PALM2AKAP2: variants seen among roughly 807,000 people sequenced by gnomAD.
The protein encoded by PALM2AKAP2 is PALM2-AKAP2 fusion protein.
In PALM2AKAP2, 37 loss-of-function variants were observed where a neutral mutation model predicts 71.5. The observed-to-expected ratio is 0.52, with a 90% CI of 0.40 to 0.68. The LOEUF is 0.68. Ranked by LOEUF, PALM2AKAP2 falls within the 30% of genes least tolerant of loss-of-function variation. PALM2AKAP2 has a pLI of 0.00. For synonymous variants in PALM2AKAP2, 468 were observed against 478.8 expected (o/e 0.98, Z 0.29); for missense variants, 1,224 against 1,191.8 (o/e 1.03, Z -0.40).
chr9:109,643,846 T>C (rs192005792), intron 1 of PALM2AKAP2, among the ~76,000 whole-genome samples: 7 of 152,314 alleles, frequency 4.6e-5, no homozygotes, highest in Non-Finnish European at 8.8e-5. Context: ...AAAAGAGCTT[T>C]AATTGGCTGA....
At position 110,128,112 on chromosome 9, in the gene PALM2AKAP2, C is replaced by T. The variant is rs574202493; in HGVS notation, c.157-8015C>T. 2.0e-5 allele frequency: 3 copies of T among 152,342 alleles called. No homozygotes were observed. In the East Asian group the frequency reaches 5.8e-4, roughly 29 times the overall value. 9.4% of individuals were successfully genotyped at this position (152,342 alleles called of 1,614,324 possible). The stretch of plus-strand genomic sequence containing the variant: ...CCAGACCTCCTGACTGCAGCTTTGC[C>T]TGGTTTGTCCAAAGCTGATGAGGTT... On this transcript the variant is annotated intron_variant, in intron 1 of 3. Transcript: ENST00000374525.
At chr9:109,893,825 G>A (rs1830140246) in intron 3 of PALM2AKAP2, among the ~76,000 whole-genome samples, 1 of 152,110 alleles carries the variant, frequency 6.6e-6, no homozygotes, top group Non-Finnish European at 1.5e-5. Context: ...CAAACACTGG[G>A]GCCAGTCGAG....
chr9:109,648,988 G>C (rs762118678), intron 1 of PALM2AKAP2, among the ~76,000 whole-genome samples: 1 of 152,020 alleles, frequency 6.6e-6, no homozygotes, highest in Admixed American at 6.6e-5. Context: ...CTTGCTCTGG[G>C]AAGGTCTGAG....
chr9:109,901,978 C>CT (rs1339059893), intron 3 of PALM2AKAP2, among the ~76,000 whole-genome samples: 2 of 152,140 alleles, frequency 1.3e-5, no homozygotes, highest in Admixed American at 6.5e-5. Context: ...TTTTCTTTTT[C>CT]TTTTTTTAAA....
chr9:109,779,913 C>T (rs79381128), upstream of PALM2AKAP2, among the ~76,000 whole-genome samples: 3,733 of 152,206 alleles, frequency 0.025, 164 homozygotes, highest in African/African-American at 0.085. Context: ...GGCATCTGCC[C>T]GGTGGAGGCG....
At chr9:110,141,159 C>G (rs139683937) in intron 2 of PALM2AKAP2, among the ~76,000 whole-genome samples, 5 of 152,294 alleles carry the variant, frequency 3.3e-5, no homozygotes, top group African/African-American at 9.6e-5. Flanking sequence ...GGCTTCCCCA[C>G]CAGGACCGAG....
chr9:109,980,856 A>G (rs974611675), intron 6 of PALM2AKAP2, among the ~76,000 whole-genome samples: 1 of 152,238 alleles, frequency 6.6e-6, no homozygotes, highest in Non-Finnish European at 1.5e-5. Context: ...GCCAAACATT[A>G]TTTTGTTTAA....
At chr9:109,792,891 C>T (rs1359755806) in intron 1 of PALM2AKAP2, among the ~76,000 whole-genome samples, 1 of 152,152 alleles carries the variant, frequency 6.6e-6, no homozygotes, top group Non-Finnish European at 1.5e-5. Flanking sequence ...ATCTGAAATT[C>T]ACATTTAACA....
At chr9:109,661,245 A>G (rs1013788722) in intron 1 of PALM2AKAP2, among the ~76,000 whole-genome samples, 41 of 152,134 alleles carry the variant, frequency 2.7e-4, no homozygotes, top group African/African-American at 9.4e-4. Context: ...GCCCATGCCT[A>G]TGTCCTGAAT....
chr9:109,855,104 C>T (rs186631568), intron 1 of PALM2AKAP2, among the ~76,000 whole-genome samples: 68 of 132,084 alleles, frequency 5.1e-4, no homozygotes, highest in African/African-American at 1.9e-3. Context: ...AACAGGGTCT[C>T]ACTGTGTCCC....
intron 1 of PALM2AKAP2, among the ~76,000 whole-genome samples, chr9:109,817,452 G>A (rs564640801): frequency 1.3e-5 from 2 of 152,296 alleles, no homozygotes; most frequent in African/African-American, 4.8e-5. Context: ...TTAGAGTTCA[G>A]ATGTCTTCAT....
upstream of PALM2AKAP2, among the ~76,000 whole-genome samples, chr9:110,045,610 C>T (rs1369729766): frequency 6.6e-6 from 1 of 152,068 alleles, no homozygotes; most frequent in African/African-American, 2.4e-5. Context: ...CTCTGTCGCC[C>T]AGGCTGGAGT....
At chr9:109,704,782 C>T (rs1828116325) in intron 1 of PALM2AKAP2, among the ~76,000 whole-genome samples, 1 of 152,260 alleles carries the variant, frequency 6.6e-6, no homozygotes, top group South Asian at 2.1e-4. Flanking sequence ...ATACTCAGCT[C>T]CCCATGAGCT....
intron 1 of PALM2AKAP2, among the ~76,000 whole-genome samples, chr9:109,841,863 G>A (rs1828697883): frequency 1.8e-5 from 2 of 111,584 alleles, no homozygotes; most frequent in Admixed American, 8.8e-5. Flanking sequence ...GGAGGGTGGG[G>A]GGATGGAGGG....
At chr9:109,899,029 C>G (rs1437739208) in intron 3 of PALM2AKAP2, among the ~76,000 whole-genome samples, 1 of 152,166 alleles carries the variant, frequency 6.6e-6, no homozygotes, top group African/African-American at 2.4e-5. Flanking sequence ...CTTCACTTCT[C>G]CCATTCTCTG....
chr9:110,097,286 C>A (rs1213787526), intron 1 of PALM2AKAP2, among the ~76,000 whole-genome samples: 2 of 149,530 alleles, frequency 1.3e-5, no homozygotes, highest in Non-Finnish European at 3.0e-5. Context: ...CACAGATCAA[C>A]AGGATCCCAA....
intron 2 of PALM2AKAP2, among the ~76,000 whole-genome samples, chr9:110,146,695 T>C (rs1836180481): frequency 6.6e-6 from 1 of 152,186 alleles, no homozygotes. Context: ...AGTTACTTGC[T>C]GTGTACTTCC....
exon 4 of PALM2AKAP2, chr9:110,168,597 A>G (rs748110027): frequency 1.2e-4 from 163 of 1,381,968 alleles, no homozygotes; most frequent in Non-Finnish European, 1.5e-4. Flanking sequence ...TTAAAGTGCA[A>G]ACAAACTCAG....
rs762954153 is a variant in PALM2AKAP2 at position 109,915,878 on chromosome 9, A to G, written c.258-7857A>G. Among the ~76,000 whole-genome samples the G allele has an allele frequency of 2.0e-5, 3 of 152,270 alleles. 1 individual carries two copies. The highest frequency in any genetic ancestry group is 4.1e-4 in the South Asian group (2 of 4,822). ...CCAAACAGTAAAACAATTAAAAACC[A>G]AGTTGTATTTGTCTGTGCTCCTTTG... On this transcript the variant is annotated intron_variant, in intron 3 of 9. Coordinates refer to the PALM2AKAP2 transcript ENST00000302798.
Sources: gnomAD v4.1 joint callset for allele counts (sites outside exome capture counted in the v4.1 genomes callset) on GRCh38, gnomAD v4.1.1 for gene constraint, MANE v1.5 for transcripts, NCBI Gene and HGNC (gene_info 2026-07-23, HGNC 2026-07-21) for gene names.